Variants in RALYL observed in about 807,000 individuals in gnomAD.
The protein encoded by RALYL is RALY RNA binding protein like.
Under a neutral mutation model 35.1 loss-of-function variants are expected in RALYL, and 29 were observed. That is an observed-to-expected ratio of 0.83 (90% CI 0.61 to 1.13). The LOEUF is 1.13. Among genes scored for constraint, RALYL ranks in the 50% most tolerant of loss-of-function variants. The pLI, the probability that RALYL is intolerant of heterozygous loss-of-function variation, is 0.00. For synonymous variants in RALYL, 120 were observed against 127.6 expected (o/e 0.94, Z 0.40); for missense variants, 359 against 360.4 (o/e 1.00, Z 0.03).
chr8:84,622,268 A>C (rs1452618333), intron 2 of RALYL, among the ~76,000 whole-genome samples: 2 of 152,200 alleles, frequency 1.3e-5, no homozygotes, highest in Non-Finnish European at 1.5e-5. Context: ...CTCATCCCAA[A>C]GTATATTTCA....
At chr8:84,638,619 A>AG (rs1469408800) in intron 2 of RALYL, among the ~76,000 whole-genome samples, 1 of 151,664 alleles carries the variant, frequency 6.6e-6, no homozygotes, top group Admixed American at 6.6e-5. Flanking sequence ...ACAAAGTAGG[A>AG]GATTAATAGC....
intron 1 of RALYL, among the ~76,000 whole-genome samples, chr8:84,265,558 A>G (rs781275861): frequency 3.9e-5 from 6 of 152,206 alleles, no homozygotes; most frequent in Non-Finnish European, 5.9e-5. Context: ...CTGATGATTA[A>G]GGAAAGTGGT....
chr8:84,900,845 A>C (rs113724973), intron 8 of RALYL, among the ~76,000 whole-genome samples: 34 of 152,324 alleles, frequency 2.2e-4, no homozygotes, highest in African/African-American at 7.9e-4. Context: ...GGAAGATTTA[A>C]GACTGTTTCA....
chr8:84,510,820 A>AT (rs1587875041), intron 1 of RALYL, among the ~76,000 whole-genome samples: 1 of 151,906 alleles, frequency 6.6e-6, no homozygotes, highest in Non-Finnish European at 1.5e-5. Flanking sequence ...AAAAAAAAAA[A>AT]CCATAATTGT....
chr8:84,795,788 A>G (rs1258598125), intron 3 of RALYL, among the ~76,000 whole-genome samples: 1 of 152,226 alleles, frequency 6.6e-6, no homozygotes, highest in Non-Finnish European at 1.5e-5. Context: ...TGTTCCCAGC[A>G]GCCACCATCA....
At chr8:84,720,191 A>G (rs1272615251) in intron 2 of RALYL, among the ~76,000 whole-genome samples, 1 of 152,118 alleles carries the variant, frequency 6.6e-6, no homozygotes, top group Non-Finnish European at 1.5e-5. Context: ...CAAAAAACCC[A>G]AATAGCCAAA....
At chr8:84,634,178 C>T (rs181005686) in intron 2 of RALYL, among the ~76,000 whole-genome samples, 62 of 151,882 alleles carry the variant, frequency 4.1e-4, no homozygotes, top group African/African-American at 1.4e-3. Flanking sequence ...TAAGAGTACA[C>T]ATTATAACAT....
chr8:84,716,481 G>T (rs1269814402), intron 2 of RALYL, among the ~76,000 whole-genome samples: 1 of 152,140 alleles, frequency 6.6e-6, no homozygotes, highest in African/African-American at 2.4e-5. Flanking sequence ...GCCTTCATAA[G>T]GTAGCAAAAG....
intron 1 of RALYL, among the ~76,000 whole-genome samples, chr8:84,524,086 G>A (rs200064298): frequency 1.1e-4 from 17 of 151,970 alleles, no homozygotes; most frequent in African/African-American, 3.4e-4. Flanking sequence ...CTGAGGAATC[G>A]CCACACTGAC....
intron 1 of RALYL, among the ~76,000 whole-genome samples, chr8:84,506,185 T>A (rs1388536843): frequency 6.6e-6 from 1 of 152,118 alleles, no homozygotes; most frequent in African/African-American, 2.4e-5. Context: ...ACCCAGGTTT[T>A]ATAATAATTG....
At chr8:84,835,504 A>G (rs1831786319) in intron 4 of RALYL, among the ~76,000 whole-genome samples, 1 of 41,694 alleles carries the variant, frequency 2.4e-5, no homozygotes, top group African/African-American at 1.4e-4. Context: ...GTCTCTACTA[A>G]AAAAAAAAAA....
chr8:84,352,907 C>T (rs758321900), intron 1 of RALYL, among the ~76,000 whole-genome samples: 1 of 149,776 alleles, frequency 6.7e-6, no homozygotes, highest in Non-Finnish European at 1.5e-5. Flanking sequence ...AAATTGTAAA[C>T]TCTTTTTAGT....
At chr8:84,543,659 A>G (rs1381438138) in intron 2 of RALYL, among the ~76,000 whole-genome samples, 1 of 152,060 alleles carries the variant, frequency 6.6e-6, no homozygotes, top group Non-Finnish European at 1.5e-5. Flanking sequence ...TCAAATTATT[A>G]TGACTTTGGC....
At chr8:84,652,654 C>G (rs1433853120) in intron 2 of RALYL, among the ~76,000 whole-genome samples, 1 of 151,940 alleles carries the variant, frequency 6.6e-6, no homozygotes, top group Non-Finnish European at 1.5e-5. Context: ...CATTATGAAT[C>G]TAAAACAGGC....
intron 2 of RALYL, among the ~76,000 whole-genome samples, chr8:84,700,106 T>A (rs1350728162): frequency 6.6e-6 from 1 of 151,816 alleles, no homozygotes; most frequent in Non-Finnish European, 1.5e-5. Flanking sequence ...ACCAAGAAGA[T>A]AAACTAAGTC....
intron 1 of RALYL, among the ~76,000 whole-genome samples, chr8:84,259,214 T>C (rs903630080): frequency 3.9e-5 from 6 of 152,152 alleles, no homozygotes; most frequent in African/African-American, 1.4e-4. Context: ...TAATTAGAGC[T>C]GTCTGAAAAT....
intron 2 of RALYL, among the ~76,000 whole-genome samples, chr8:84,722,368 C>G (rs1310112361): frequency 1.3e-5 from 2 of 151,656 alleles, no homozygotes; most frequent in Non-Finnish European, 2.9e-5. Context: ...AAATTCATAT[C>G]AACCTTCTTA....
At chr8:84,343,408 G>A (rs1385311220) in intron 1 of RALYL, among the ~76,000 whole-genome samples, 31 of 151,896 alleles carry the variant, frequency 2.0e-4, no homozygotes, top group Non-Finnish European at 1.5e-5. Context: ...TTTCTACATA[G>A]CTCAGCAAAG....
intron 1 of RALYL, among the ~76,000 whole-genome samples, chr8:84,286,103 G>A (rs1837543775): frequency 6.6e-6 from 1 of 152,104 alleles, no homozygotes. Context: ...TGATGATTGA[G>A]TTTATGGTAT....
Sources: allele counts gnomAD v4.1 joint callset (sites outside exome capture counted in the v4.1 genomes callset), GRCh38; gene constraint gnomAD v4.1.1; transcripts MANE v1.5; gene names NCBI Gene and HGNC (gene_info 2026-07-23, HGNC 2026-07-21).